Variants in ATP11C observed in about 807,000 individuals in gnomAD.
ATP11C encodes ATPase phospholipid transporting 11C (ATP11C blood group).
In ATP11C, 36 loss-of-function variants were observed where a neutral mutation model predicts 97.4. The ratio of observed to expected loss-of-function variants is 0.37; its 90% CI spans 0.28 to 0.49. The LOEUF (loss-of-function observed/expected upper bound fraction) is 0.49, where lower values mean the gene tolerates loss of function less well. Among genes scored for constraint, ATP11C ranks in the 20% least tolerant of loss-of-function variants. The probability of loss-of-function intolerance (pLI) is 0.98; values close to 1 mark genes in which losing one functional copy is unlikely to be tolerated. For missense variants in ATP11C, 730 were observed against 824.6 expected, an observed-to-expected ratio of 0.89 and a Z score of 1.40; for synonymous variants, 275 against 290.9, an observed-to-expected ratio of 0.95 and a Z score of 0.56.
chrX:139,753,337 C>T (rs942564194), intron 23 of ATP11C, among the ~76,000 whole-genome samples: 1 of 111,793 alleles, frequency 8.9e-6, no homozygotes, highest in Non-Finnish European at 1.9e-5. Context: ...CATACAACAA[C>T]ATGGAAATTA....
intron 2 of ATP11C, among the ~76,000 whole-genome samples, chrX:139,819,860 T>C (rs1168508586): frequency 2.7e-5 from 3 of 112,061 alleles, no homozygotes; most frequent in Non-Finnish European, 5.6e-5. Context: ...TTCCCAACAC[T>C]CAACACAGTG....
intron 1 of ATP11C, among the ~76,000 whole-genome samples, chrX:139,860,123 A>G (rs1197643492): frequency 3.7e-5 from 4 of 108,759 alleles, no homozygotes; most frequent in Non-Finnish European, 5.7e-5. Flanking sequence ...AAAAAAAAAA[A>G]AAAGAAAAGA....
chrX:139,904,031 T>G (rs2084937516), intron 1 of ATP11C, among the ~76,000 whole-genome samples: 1 of 112,065 alleles, frequency 8.9e-6, no homozygotes, highest in South Asian at 3.7e-4. Context: ...TGTGATACAC[T>G]GTCTTGTCTT....
chrX:139,750,649 T>A (rs761130565), intron 23 of ATP11C, among the ~76,000 whole-genome samples: 8 of 111,896 alleles, frequency 7.1e-5, no homozygotes, highest in Admixed American at 9.5e-5. Context: ...AGTCCCACAG[T>A]TCCTCATGGC....
At chrX:139,896,678 C>T (rs1232163141) in intron 1 of ATP11C, among the ~76,000 whole-genome samples, 1 of 105,512 alleles carries the variant, frequency 9.5e-6, no homozygotes, top group East Asian at 3.0e-4. Context: ...TGCAGTGGCA[C>T]AATCTCGGCT....
chrX:139,741,914 C>T (rs752200313), intron 26 of ATP11C, among the ~76,000 whole-genome samples: 4 of 111,553 alleles, frequency 3.6e-5, no homozygotes, highest in Admixed American at 9.5e-5. Flanking sequence ...GCTGTGACAC[C>T]ATGGTCATCA....
rs766830408 is a variant in ATP11C at position 139,782,746 on chromosome X, G to C, written c.1771-18C>G. 1 of 1,057,756 alleles carries C rather than the reference G, an allele frequency of 9.5e-7. No homozygotes were observed. Among genetic ancestry groups the C allele is most frequent in the Non-Finnish European group, 1.3e-6 (1 of 785,803 alleles). 87.2% of individuals were successfully genotyped at this position (1,057,756 alleles called of 1,213,427 possible). On this transcript the variant is annotated intron_variant, in intron 17 of 29. Coordinates refer to ENST00000682941, the MANE Select transcript of ATP11C (RefSeq NM_001353812.2). ...TACCCATCCTAGGAGTAAAGTAGGA[G>C]ATCTGTAGTTATTCTAATAATAGTT... is the stretch of plus-strand genomic sequence containing the variant.
chrX:139,736,675 G>C lies in ATP11C; in HGVS notation c.3288+1241C>G, dbSNP rs192792824. 2.2e-3 allele frequency among the ~76,000 whole-genome samples: 244 copies of C among 111,394 alleles called. 1 individual carries two copies. Among genetic ancestry groups the C allele is most frequent in the African/African-American group, 7.2e-3 (223 of 30,777 alleles). On this transcript the variant is annotated intron_variant, in intron 28 of 29. Transcript: ENST00000682941. ...TTTTCCATCCTAAAACACCAGACTA[G>C]AGTAAAGCAGTTGTAACTAAGCTAA...
chrX:139,857,279 C>T (rs2084106467), intron 1 of ATP11C, among the ~76,000 whole-genome samples: 1 of 111,688 alleles, frequency 9.0e-6, no homozygotes, highest in African/African-American at 3.3e-5. Context: ...TAAGCTAAGA[C>T]ATGTTAAAAG....
At chrX:139,772,376 T>C (rs1433752102) in intron 19 of ATP11C, among the ~76,000 whole-genome samples, 1 of 111,564 alleles carries the variant, frequency 9.0e-6, no homozygotes, top group African/African-American at 3.3e-5. Context: ...AGAAGGGAAA[T>C]GTGGTGTTGG....
At chrX:139,780,359 A>G (rs774227898) in intron 18 of ATP11C, among the ~76,000 whole-genome samples, 2 of 111,852 alleles carry the variant, frequency 1.8e-5, no homozygotes, top group East Asian at 2.8e-4. Flanking sequence ...ATCATGATCA[A>G]ACGGGTTTTA....
At chrX:139,743,842 T>A (rs1183814608) in intron 25 of ATP11C, among the ~76,000 whole-genome samples, 1 of 111,567 alleles carries the variant, frequency 9.0e-6, no homozygotes, top group Non-Finnish European at 1.9e-5. Context: ...CTGTGGCTGG[T>A]AGGGTTTATT....
intron 20 of ATP11C, among the ~76,000 whole-genome samples, chrX:139,765,308 G>A (rs2082114341): frequency 9.0e-6 from 1 of 111,697 alleles, no homozygotes; most frequent in African/African-American, 3.3e-5. Flanking sequence ...TGTGCTAAGA[G>A]CCAAAACAGA....
chrX:139,927,734 CA>C (rs1285274814), intron 1 of ATP11C, among the ~76,000 whole-genome samples: 1 of 102,192 alleles, frequency 9.8e-6, no homozygotes. Flanking sequence ...TAATAAATCT[CA>C]AAAAAAAGGA....
chrX:139,931,992 C>T, intron 1 of ATP11C, 24 bp downstream of exon 1: 2 of 1,156,536 alleles, frequency 1.7e-6, no homozygotes, highest in Non-Finnish European at 2.3e-6. Flanking sequence ...CCGGCACGCG[C>T]GGAGCCGCAG....
At chrX:139,864,731 G>C (rs1290125140) in intron 1 of ATP11C, among the ~76,000 whole-genome samples, 1 of 112,495 alleles carries the variant, frequency 8.9e-6, no homozygotes, top group Non-Finnish European at 1.9e-5. Flanking sequence ...ACTTTTGACA[G>C]ATGGAGCTTA....
At chrX:139,922,132 G>A (rs780658642) in intron 1 of ATP11C, among the ~76,000 whole-genome samples, 1 of 103,385 alleles carries the variant, frequency 9.7e-6, no homozygotes, top group East Asian at 3.0e-4. Context: ...TTGAACCCAG[G>A]AGGCAGAGGT....
intron 25 of ATP11C, 39 bp from the exon 26 acceptor site, chrX:139,743,663 C>A (rs1475533278): frequency 1.3e-6 from 1 of 795,433 alleles, no homozygotes. Flanking sequence ...CATGTATATA[C>A]AAGTATTATC....
At chrX:139,863,322 C>G in intron 1 of ATP11C, among the ~76,000 whole-genome samples, 1 of 111,621 alleles carries the variant, frequency 9.0e-6, no homozygotes, top group Non-Finnish European at 1.9e-5. Flanking sequence ...CACTTGAGGT[C>G]AGGAGTTCGA....
Sources: allele counts gnomAD v4.1 joint callset (sites outside exome capture counted in the v4.1 genomes callset), GRCh38; gene constraint gnomAD v4.1.1; transcripts MANE v1.5; gene names NCBI Gene and HGNC (gene_info 2026-07-23, HGNC 2026-07-21).